Variants in NFIA observed in about 807,000 individuals in gnomAD.
NFIA encodes nuclear factor I A.
A neutral mutation model predicts 62.8 loss-of-function variants in NFIA; 8 were observed. The observed-to-expected ratio is 0.13, with a 90% CI of 0.07 to 0.23. The LOEUF (loss-of-function observed/expected upper bound fraction) is 0.23. Among genes scored for constraint, NFIA ranks in the 10% least tolerant of loss-of-function variants. The pLI, the probability that NFIA is intolerant of heterozygous loss-of-function variation, is 1.00. For missense variants in NFIA, 410 were observed against 642.1 expected (o/e 0.64, Z 3.91); for synonymous variants, 235 against 238.1 (o/e 0.99, Z 0.12).
At chr1:61,334,555 G>A (rs866933731) in intron 4 of NFIA, among the ~76,000 whole-genome samples, 4 of 97,474 alleles carry the variant, frequency 4.1e-5, no homozygotes, top group African/African-American at 1.5e-4. Flanking sequence ...GTGTGTGTGT[G>A]TATATATATA....
chr1:61,267,272 G>T (rs1391998830), intron 2 of NFIA, among the ~76,000 whole-genome samples: 2 of 152,182 alleles, frequency 1.3e-5, no homozygotes, highest in Non-Finnish European at 2.9e-5. Context: ...ACTTTGGGAA[G>T]CTGAGGTGGG....
intron 2 of NFIA, among the ~76,000 whole-genome samples, chr1:61,112,582 A>G (rs1646716008): frequency 6.6e-6 from 1 of 152,178 alleles, no homozygotes; most frequent in African/African-American, 2.4e-5. Flanking sequence ...TTAAGGGTGT[A>G]TATTAAAGGT....
At chr1:61,167,423 G>C (rs1432252399) in intron 2 of NFIA, among the ~76,000 whole-genome samples, 1 of 152,104 alleles carries the variant, frequency 6.6e-6, no homozygotes, top group Non-Finnish European at 1.5e-5. Context: ...CTATCTTGAT[G>C]CTTGGTTATT....
At chr1:61,392,842 G>A (rs955597668) in intron 7 of NFIA, among the ~76,000 whole-genome samples, 31 of 152,218 alleles carry the variant, frequency 2.0e-4, no homozygotes, top group Admixed American at 3.9e-4. Flanking sequence ...AGGGGACCTG[G>A]ATTTAAACTC....
At chr1:61,313,359 C>T (rs1660211325) in intron 3 of NFIA, among the ~76,000 whole-genome samples, 1 of 152,182 alleles carries the variant, frequency 6.6e-6, no homozygotes, top group South Asian at 2.1e-4. Flanking sequence ...GGAGCTTTCA[C>T]TCATGGCAGA....
rs540551662 is a variant in NFIA, at chr1:61,110,266, T to G, written c.559+21586T>G. On this transcript the variant is annotated intron_variant, in intron 2 of 10. Coordinates refer to ENST00000403491, the MANE Select transcript of NFIA (RefSeq NM_001134673.4). ...TGTCTACTTGTTCACTTTTTTTTTT[T>G]TTTACATGAGAGTTTTTACTCTTAG... Among the ~76,000 whole-genome samples, 37 of 152,006 alleles carry G rather than the reference T, an allele frequency of 2.4e-4. No homozygotes were observed. The East Asian group carries it at 4.1e-3, about 17-fold the overall frequency.
intron 3 of NFIA, among the ~76,000 whole-genome samples, chr1:61,322,556 G>C (rs151109883): frequency 2.6e-5 from 4 of 152,100 alleles, no homozygotes. Context: ...TTTCAGGTAC[G>C]TGGGGGTAGA....
intron 2 of NFIA, among the ~76,000 whole-genome samples, chr1:61,134,663 T>A (rs1418211433): frequency 6.6e-6 from 1 of 152,192 alleles, no homozygotes; most frequent in African/African-American, 2.4e-5. Flanking sequence ...TTTAACATAG[T>A]AAACTAAAGT....
intron 6 of NFIA, among the ~76,000 whole-genome samples, chr1:61,374,128 A>T (rs1223330717): frequency 6.6e-6 from 1 of 152,212 alleles, no homozygotes; most frequent in Non-Finnish European, 1.5e-5. Context: ...TAAGCCAAAC[A>T]TATGTATGAT....
intron 6 of NFIA, among the ~76,000 whole-genome samples, chr1:61,373,707 T>C (rs1176151064): frequency 6.6e-6 from 1 of 152,140 alleles, no homozygotes; most frequent in Non-Finnish European, 1.5e-5. Context: ...ACTGAGTTAC[T>C]TCCAGCTTGT....
intron 7 of NFIA, among the ~76,000 whole-genome samples, chr1:61,389,460 T>C (rs955524273): frequency 1.3e-5 from 2 of 152,184 alleles, no homozygotes; most frequent in Non-Finnish European, 2.9e-5. Context: ...TATCAGTGGG[T>C]AAATAAGGGA....
At chr1:61,092,095 A>G (rs111481069) in intron 2 of NFIA, among the ~76,000 whole-genome samples, 8 of 152,204 alleles carry the variant, frequency 5.3e-5, no homozygotes, top group African/African-American at 1.7e-4. Flanking sequence ...TTTAAAATCT[A>G]AAATTAAACA....
chr1:61,265,323 G>C (rs1382341622), intron 2 of NFIA, among the ~76,000 whole-genome samples: 1 of 152,174 alleles, frequency 6.6e-6, no homozygotes, highest in Non-Finnish European at 1.5e-5. Context: ...CACTGCATAT[G>C]TCAGGGAGAA....
intron 10 of NFIA, among the ~76,000 whole-genome samples, chr1:61,451,276 C>T (rs1668047961): frequency 1.3e-5 from 2 of 152,304 alleles, no homozygotes; most frequent in African/African-American, 4.8e-5. Context: ...GATAAAACTC[C>T]TTAGAGAACT....
intron 2 of NFIA, among the ~76,000 whole-genome samples, chr1:61,242,466 A>C (rs190827140): frequency 3.9e-4 from 60 of 152,320 alleles, no homozygotes; most frequent in African/African-American, 1.4e-3. Context: ...AACCCTCTGC[A>C]GTTTGTACTC....
intron 2 of NFIA, 23 bp from the exon 3 acceptor site, chr1:61,277,497 G>T (rs1306665521): frequency 6.2e-7 from 1 of 1,612,294 alleles, no homozygotes; most frequent in South Asian, 1.1e-5. Flanking sequence ...TGTAATTTTT[G>T]GCTGTATTTT....
intron 9 of NFIA, among the ~76,000 whole-genome samples, chr1:61,421,190 A>G (rs1385503933): frequency 6.6e-6 from 1 of 152,014 alleles, no homozygotes; most frequent in Non-Finnish European, 1.5e-5. Context: ...TTTTATTTAT[A>G]TTACTTTTTA....
At chr1:61,200,010 GTATATATATATATATATATATATATATA>G (rs60422302) in intron 2 of NFIA, among the ~76,000 whole-genome samples, 1,616 of 52,822 alleles carry the variant, frequency 0.031, 61 homozygotes, top group Non-Finnish European at 0.048. Context: ...ATATATATAT[GTATATATATATATATATATATATATATA>G]TATATATATA....
At chr1:61,390,012 G>T (rs1215725395) in intron 7 of NFIA, among the ~76,000 whole-genome samples, 1 of 152,172 alleles carries the variant, frequency 6.6e-6, no homozygotes, top group Non-Finnish European at 1.5e-5. Context: ...GAGAAGCATG[G>T]ATTCTGTCCT....
Sources: gnomAD v4.1 joint callset for allele counts (sites outside exome capture counted in the v4.1 genomes callset) on GRCh38, gnomAD v4.1.1 for gene constraint, MANE v1.5 for transcripts, NCBI Gene and HGNC (gene_info 2026-07-23, HGNC 2026-07-21) for gene names.